The following MOXD1 variants were observed in gnomAD, a reference collection of about 807,000 sequenced individuals.
MOXD1 encodes monooxygenase DBH like 1, also known as DBH-like monooxygenase protein 1.
In MOXD1, 62 loss-of-function variants were observed where a neutral mutation model predicts 66.6. The observed-to-expected ratio is 0.93, with a 90% CI of 0.76 to 1.15. The LOEUF is 1.15. MOXD1 is among the 50% of genes most tolerant of loss of function. The probability of loss-of-function intolerance (pLI) is 0.00; values close to 1 mark genes in which losing one functional copy is unlikely to be tolerated. For synonymous variants in MOXD1, 303 were observed against 281.9 expected (o/e 1.07, Z -0.75); for missense variants, 847 against 754.6 (o/e 1.12, Z -1.44).
At chr6:132,357,691 T>C (rs1775934723) in intron 4 of MOXD1, among the ~76,000 whole-genome samples, 2 of 152,124 alleles carry the variant, frequency 1.3e-5, no homozygotes, top group African/African-American at 2.4e-5. Flanking sequence ...TTAGAGCTTT[T>C]TGAAAAGCTT....
At chr6:132,316,180 G>A (rs1774951394) in intron 9 of MOXD1, among the ~76,000 whole-genome samples, 1 of 151,936 alleles carries the variant, frequency 6.6e-6, no homozygotes, top group African/African-American at 2.4e-5. Flanking sequence ...ACGACGGGGA[G>A]AAAGATTTCA....
chr6:132,323,379 C>T (rs927886276), intron 7 of MOXD1, among the ~76,000 whole-genome samples: 2 of 152,130 alleles, frequency 1.3e-5, no homozygotes, highest in South Asian at 2.1e-4. Flanking sequence ...ACCAGTCTGC[C>T]ATACTGTCCT....
In MOXD1 at chr6:132,296,554, T is replaced by C. The variant is rs1774403523; in HGVS notation, c.*599A>G. 1 of 152,292 alleles carries C rather than the reference T, an allele frequency of 6.6e-6. No individual in the cohort carries two copies. Among genetic ancestry groups the C allele is most frequent in the Admixed American group, 6.5e-5 (1 of 15,272 alleles). 9.4% of individuals were successfully genotyped at this position (152,292 alleles called of 1,614,324 possible). Reference sequence around the variant, plus strand: ...GTACTTTAAGATGGGTGTGGGGTCATTTGGGGTACCAACAGACTCAGATAA... The same window carrying C: ...GTACTTTAAGATGGGTGTGGGGTCACTTGGGGTACCAACAGACTCAGATAA... On this transcript the variant is annotated 3_prime_UTR_variant, in exon 12 of 12. Coordinates refer to ENST00000367963, the MANE Select transcript of MOXD1 (RefSeq NM_015529.4).
chr6:132,358,086 T>C (rs1465387731), intron 4 of MOXD1, among the ~76,000 whole-genome samples: 7 of 152,304 alleles, frequency 4.6e-5, no homozygotes, highest in Non-Finnish European at 7.4e-5. Context: ...ATTTTGCCAA[T>C]GGGAAAACGG....
intron 10 of MOXD1, among the ~76,000 whole-genome samples, chr6:132,299,345 T>C (rs559068381): frequency 6.6e-6 from 1 of 152,244 alleles, no homozygotes; most frequent in East Asian, 1.9e-4. Flanking sequence ...ACCTGGGTGA[T>C]GGAATCATTC....
At chr6:132,350,153 T>A (rs1775775133) in intron 4 of MOXD1, among the ~76,000 whole-genome samples, 1 of 152,192 alleles carries the variant, frequency 6.6e-6, no homozygotes, top group Non-Finnish European at 1.5e-5. Context: ...TTTATCTTTG[T>A]TTTTATTGCA....
At chr6:132,299,789 C>A (rs1221333488) in intron 10 of MOXD1, among the ~76,000 whole-genome samples, 2 of 151,960 alleles carry the variant, frequency 1.3e-5, no homozygotes, top group East Asian at 3.9e-4. Context: ...CATAACATCC[C>A]AAGATGTTAC....
At chr6:132,321,399 A>C (rs1775076148) in intron 8 of MOXD1, among the ~76,000 whole-genome samples, 1 of 152,204 alleles carries the variant, frequency 6.6e-6, no homozygotes, top group Non-Finnish European at 1.5e-5. Flanking sequence ...CTCTTCATTT[A>C]CATTATTTTC....
rs1775101926 is a variant in MOXD1, at chr6:132,322,723, A to G, written c.1261T>C (p.Phe421Leu). 1.2e-6 allele frequency: 2 copies of G among 1,614,040 alleles called. No homozygotes were observed. The highest frequency in any genetic ancestry group is 1.7e-6 in the Non-Finnish European group (2 of 1,179,968). ...LAYDDDFDFN[F>L]QEFQYLKEEQ... Reference sequence around the variant, plus strand: ...TCCTTTAGATACTGAAACTCCTGGAAATTGAAGTCAAAATCATCATCATAG... The same window carrying G: ...TCCTTTAGATACTGAAACTCCTGGAGATTGAAGTCAAAATCATCATCATAG... The change falls in exon 8 of 12, where the codon TTC becomes CTC. Residue 421 changes from phenylalanine (F) to leucine (L), a missense_variant. Coordinates refer to ENST00000367963, the MANE Select transcript of MOXD1 (RefSeq NM_015529.4).
intron 4 of MOXD1, among the ~76,000 whole-genome samples, chr6:132,345,614 C>T (rs1582585157): frequency 6.6e-6 from 1 of 152,000 alleles, no homozygotes; most frequent in Non-Finnish European, 1.5e-5. Flanking sequence ...TCTCCAAAAG[C>T]CTTTGAAAAT....
At chr6:132,363,282 C>T (rs1776051921) in intron 4 of MOXD1, among the ~76,000 whole-genome samples, 1 of 150,164 alleles carries the variant, frequency 6.7e-6, no homozygotes, top group South Asian at 2.1e-4. Flanking sequence ...TGTCTATTAC[C>T]TTGGTTGGTG....
In MOXD1 at chr6:132,297,875, G is replaced by C; in HGVS notation, c.1589C>G (p.Thr530Ser). The change falls in exon 11 of 12, where the codon ACT becomes AGT. Residue 530 changes from threonine to serine, a missense_variant. Transcript: ENST00000367963. ...FMDAMNKFKW[T>S]KKEGLSFNKL... ...GTTGAAGGAGAGACCTTCCTTTTTA[G>C]TCCATTTAAACTTATTCATAGCATC... The C allele has an allele frequency of 6.2e-7, 1 of 1,613,360 alleles. No individual in the cohort carries two copies. Among genetic ancestry groups the C allele is most frequent in the Non-Finnish European group, 8.5e-7 (1 of 1,179,636 alleles).
At chr6:132,321,960 T>C (rs1318784697) in intron 8 of MOXD1, among the ~76,000 whole-genome samples, 1 of 152,216 alleles carries the variant, frequency 6.6e-6, no homozygotes, top group African/African-American at 2.4e-5. Context: ...TCCCTGACAG[T>C]TCATCCCATC....
At chr6:132,386,436 A>AC (rs1562300083) in intron 1 of MOXD1, among the ~76,000 whole-genome samples, 20 of 143,154 alleles carry the variant, frequency 1.4e-4, no homozygotes, top group African/African-American at 5.0e-4. Context: ...AACAAAACAA[A>AC]AAAAAAAAAC....
chr6:132,304,274 A>G (rs1774637471), intron 10 of MOXD1, among the ~76,000 whole-genome samples: 1 of 152,148 alleles, frequency 6.6e-6, no homozygotes, highest in South Asian at 2.1e-4. Flanking sequence ...GTGGAGAGCA[A>G]GCCCTCAGAA....
intron 7 of MOXD1, among the ~76,000 whole-genome samples, 175 bp downstream of exon 7, chr6:132,323,756 G>C (rs992832324): frequency 6.6e-6 from 1 of 152,174 alleles, no homozygotes; most frequent in African/African-American, 2.4e-5. Context: ...TTCTACTCCT[G>C]TAGCTTCAAG....
At chr6:132,384,715 G>T (rs1376531750) in intron 1 of MOXD1, among the ~76,000 whole-genome samples, 2 of 152,182 alleles carry the variant, frequency 1.3e-5, no homozygotes, top group African/African-American at 4.8e-5. Context: ...TGGACAGGAG[G>T]TTGGGTTATC....
At chr6:132,350,446 T>C (rs1775779921) in intron 4 of MOXD1, among the ~76,000 whole-genome samples, 1 of 152,106 alleles carries the variant, frequency 6.6e-6, no homozygotes, top group Admixed American at 6.5e-5. Context: ...AGTATTTGGG[T>C]TTATTTCTGT....
intron 4 of MOXD1, among the ~76,000 whole-genome samples, chr6:132,344,982 G>C (rs1029496517): frequency 5.9e-5 from 9 of 152,194 alleles, no homozygotes; most frequent in African/African-American, 2.2e-4. Context: ...TGCAAAAGGA[G>C]CTATGTGACA....
Sources: allele counts gnomAD v4.1 joint callset (sites outside exome capture counted in the v4.1 genomes callset), GRCh38; gene constraint gnomAD v4.1.1; transcripts MANE v1.5; gene names NCBI Gene and HGNC (gene_info 2026-07-23, HGNC 2026-07-21).